Variants in GPC6 observed in about 807,000 individuals in gnomAD.
The protein encoded by GPC6 is glypican-6.
A neutral mutation model predicts 55.2 loss-of-function variants in GPC6; 14 were observed. The observed-to-expected ratio is 0.25, with a 90% CI of 0.17 to 0.40. GPC6 has a LOEUF of 0.40. Among genes scored for constraint, GPC6 ranks in the 10% least tolerant of loss-of-function variants. The pLI is 1.00. For synonymous variants in GPC6, 278 were observed against 259.6 expected, an observed-to-expected ratio of 1.07 and a Z score of -0.68; for missense variants, 641 against 708.5, an observed-to-expected ratio of 0.90 and a Z score of 1.08.
intron 1 of GPC6, among the ~76,000 whole-genome samples, chr13:93,311,833 A>G (rs980078800): frequency 6.6e-6 from 1 of 152,184 alleles, no homozygotes; most frequent in Non-Finnish European, 1.5e-5. Flanking sequence ...GAATCATTAA[A>G]GTACGTGTTC....
chr13:94,340,596 G>A (rs1158591870), intron 6 of GPC6, among the ~76,000 whole-genome samples: 1 of 152,184 alleles, frequency 6.6e-6, no homozygotes, highest in Non-Finnish European at 1.5e-5. Flanking sequence ...TATACATGAT[G>A]TGTAACTATA....
intron 1 of GPC6, among the ~76,000 whole-genome samples, chr13:93,425,049 C>A (rs1594160473): frequency 1.3e-5 from 2 of 151,916 alleles, no homozygotes; most frequent in East Asian, 1.9e-4. Context: ...AAGGGTAGGG[C>A]AAATGAAATA....
intron 3 of GPC6, among the ~76,000 whole-genome samples, chr13:93,846,075 C>T (rs1179297203): frequency 3.3e-5 from 5 of 151,996 alleles, no homozygotes; most frequent in Non-Finnish European, 5.9e-5. Context: ...GGGAAGAATC[C>T]TCCCTTCCAT....
In GPC6 at chr13:93,540,722, A is replaced by C. The variant is rs539048820; in HGVS notation, c.161-4541A>C. On this transcript the variant is annotated intron_variant, in intron 1 of 8. Transcript: ENST00000377047. ...ATCCTCTTTCTAGCATTTTGAAACT[A>C]TGTAATATATTATCGTTAACTATAG... is the stretch of plus-strand genomic sequence containing the variant. Among the ~76,000 whole-genome samples, 17 of 152,270 alleles carry C rather than the reference A, an allele frequency of 1.1e-4. 1 individual carries two copies. The South Asian group carries it at 3.5e-3, about 32-fold the overall frequency.
At chr13:93,562,573 T>C (rs1291823701) in intron 2 of GPC6, among the ~76,000 whole-genome samples, 4 of 152,204 alleles carry the variant, frequency 2.6e-5, no homozygotes, top group South Asian at 4.1e-4. Context: ...ATTATCATCT[T>C]TGACACACAA....
At chr13:94,102,649 C>T (rs372143563) in intron 4 of GPC6, among the ~76,000 whole-genome samples, 1 of 151,970 alleles carries the variant, frequency 6.6e-6, no homozygotes, top group Non-Finnish European at 1.5e-5. Flanking sequence ...CTTATTTATA[C>T]TTGCTTTGTG....
At chr13:93,574,541 C>G (rs1876566469) in intron 2 of GPC6, among the ~76,000 whole-genome samples, 1 of 152,106 alleles carries the variant, frequency 6.6e-6, no homozygotes, top group Admixed American at 6.5e-5. Context: ...TTAAGGTGCC[C>G]ATTTTATCAT....
chr13:94,253,270 G>A (rs1891412491), intron 4 of GPC6, among the ~76,000 whole-genome samples: 1 of 152,158 alleles, frequency 6.6e-6, no homozygotes, highest in East Asian at 1.9e-4. Context: ...GCAGCTGCTG[G>A]GAAAAGAAGG....
chr13:94,215,401 C>G (rs937352812), intron 4 of GPC6, among the ~76,000 whole-genome samples: 4 of 152,096 alleles, frequency 2.6e-5, no homozygotes, highest in African/African-American at 9.7e-5. Flanking sequence ...CACACTTGCC[C>G]TAAAATAATC....
At chr13:94,006,719 C>T (rs750706543) in intron 3 of GPC6, among the ~76,000 whole-genome samples, 7 of 152,106 alleles carry the variant, frequency 4.6e-5, no homozygotes, top group Non-Finnish European at 7.4e-5. Flanking sequence ...ATGAGTTGCA[C>T]GACTTTGGAC....
chr13:94,275,701 T>C (rs1193324507), intron 4 of GPC6, among the ~76,000 whole-genome samples: 1 of 151,906 alleles, frequency 6.6e-6, no homozygotes. Context: ...CTGGTTTTCT[T>C]GATTTTTTTT....
Position 93,342,276 on chromosome 13 carries a change from T to C in GPC6, c.160+114660T>C, listed in dbSNP as rs531685077. 5.3e-5 allele frequency among the ~76,000 whole-genome samples: 8 copies of C among 152,224 alleles called. No individual in the cohort carries two copies. In the South Asian group the frequency reaches 8.3e-4, roughly 16 times the overall value. On this transcript the variant is annotated intron_variant, in intron 1 of 8. Coordinates refer to ENST00000377047, the MANE Select transcript of GPC6 (RefSeq NM_005708.5). ...GTGTATTAGTCCATTTTTATACTGCTATGAAGAAATACCTGAGATTGGGTA... is the reference window on the plus strand; with the variant it reads ...GTGTATTAGTCCATTTTTATACTGCCATGAAGAAATACCTGAGATTGGGTA...
intron 6 of GPC6, among the ~76,000 whole-genome samples, chr13:94,329,422 A>G (rs1877296300): frequency 6.6e-6 from 1 of 152,174 alleles, no homozygotes; most frequent in Non-Finnish European, 1.5e-5. Flanking sequence ...TACCGTCTGC[A>G]GCTGCCATTT....
At chr13:93,877,684 A>G (rs1451628136) in intron 3 of GPC6, among the ~76,000 whole-genome samples, 1 of 152,138 alleles carries the variant, frequency 6.6e-6, no homozygotes, top group Non-Finnish European at 1.5e-5. Context: ...TTAATGGTTC[A>G]TAACAATCAG....
At chr13:93,397,309 C>T (rs1875895359) in intron 1 of GPC6, among the ~76,000 whole-genome samples, 1 of 152,164 alleles carries the variant, frequency 6.6e-6, no homozygotes, top group South Asian at 2.1e-4. Flanking sequence ...TCCTTGTCAA[C>T]ACTTGTTATT....
At chr13:93,332,862 T>C (rs187750019) in intron 1 of GPC6, among the ~76,000 whole-genome samples, 3 of 152,306 alleles carry the variant, frequency 2.0e-5, no homozygotes, top group Admixed American at 2.0e-4. Context: ...ATTTAATTCA[T>C]TTTGGTTTGA....
At chr13:93,438,549 G>C (rs1157657511) in intron 1 of GPC6, among the ~76,000 whole-genome samples, 4 of 152,152 alleles carry the variant, frequency 2.6e-5, no homozygotes, top group African/African-American at 9.7e-5. Context: ...GAAATAGCAA[G>C]AGAATGAGAA....
intron 1 of GPC6, among the ~76,000 whole-genome samples, chr13:93,501,841 A>C (rs888388178): frequency 2.0e-5 from 3 of 152,120 alleles, no homozygotes; most frequent in African/African-American, 7.2e-5. Context: ...ATAAACCAGA[A>C]ATTACTTAAC....
intron 3 of GPC6, among the ~76,000 whole-genome samples, chr13:93,962,634 T>C (rs778903645): frequency 8.5e-4 from 129 of 152,288 alleles, no homozygotes; most frequent in Non-Finnish European, 1.5e-3. Context: ...TTTGGTGACA[T>C]GGATTAACAT....
Sources: allele counts gnomAD v4.1 joint callset (sites outside exome capture counted in the v4.1 genomes callset), GRCh38; gene constraint gnomAD v4.1.1; transcripts MANE v1.5; gene names NCBI Gene and HGNC (gene_info 2026-07-23, HGNC 2026-07-21).